EYA1: variants seen among roughly 807,000 people sequenced by gnomAD.
The protein encoded by EYA1 is EYA transcriptional coactivator and phosphatase 1, also known as protein phosphatase EYA1.
A neutral mutation model predicts 82.0 loss-of-function variants in EYA1; 16 were observed. That is an observed-to-expected ratio of 0.20 (90% CI 0.13 to 0.30). EYA1 has a LOEUF of 0.30. Among genes scored for constraint, EYA1 ranks in the 10% least tolerant of loss-of-function variants. EYA1 has a pLI of 1.00. For missense variants in EYA1, 633 were observed against 730.7 expected, an observed-to-expected ratio of 0.87 and a Z score of 1.54; for synonymous variants, 261 against 264.4, an observed-to-expected ratio of 0.99 and a Z score of 0.12.
At chr8:71,259,535 A>G (rs945903893) in intron 11 of EYA1, among the ~76,000 whole-genome samples, 1 of 152,246 alleles carries the variant, frequency 6.6e-6, no homozygotes, top group Non-Finnish European at 1.5e-5. Flanking sequence ...TAAAATGATC[A>G]GAAAGAGGCA....
chr8:71,518,467 TTCTG>T (rs1396430379), intron 2 of EYA1, among the ~76,000 whole-genome samples: 1 of 152,152 alleles, frequency 6.6e-6, no homozygotes, highest in African/African-American at 2.4e-5. Flanking sequence ...CAATGCTATT[TTCTG>T]TCTGTCATGT....
At chr8:71,263,733 A>G (rs1056442764) in intron 11 of EYA1, among the ~76,000 whole-genome samples, 1 of 152,152 alleles carries the variant, frequency 6.6e-6, no homozygotes. Flanking sequence ...AGGCCATATC[A>G]TCTCTGACAC....
intron 11 of EYA1, 107 bp from the exon 12 acceptor site, chr8:71,244,799 C>T (rs2128904831): frequency 1.4e-6 from 1 of 695,230 alleles, no homozygotes; most frequent in East Asian, 2.8e-5. Flanking sequence ...AAGCAAGAGA[C>T]ACAGAGAGAG....
rs1826873491 is a variant in EYA1 at position 71,356,317 on chromosome 8, A to G, written c.-5+145T>C. 6 of 631,292 alleles carry G rather than the reference A, an allele frequency of 9.5e-6. No individual in the cohort carries two copies. The South Asian group carries it at 1.5e-4, about 16-fold the overall frequency. 39.1% of individuals were successfully genotyped at this position (631,292 alleles called of 1,614,324 possible). ...CCTTTCTACATACTTAAAATGTTTT[A>G]CAAGCACACACACACAAACTGTTAA... On this transcript the variant is annotated intron_variant, in intron 2 of 17. Transcript: ENST00000340726.
At chr8:71,540,487 T>C (rs1383604819) in intron 1 of EYA1, among the ~76,000 whole-genome samples, 2 of 152,036 alleles carry the variant, frequency 1.3e-5, no homozygotes, top group Non-Finnish European at 2.9e-5. Flanking sequence ...TAGATTATGG[T>C]GACATGAAGC....
intron 2 of EYA1, among the ~76,000 whole-genome samples, chr8:71,409,976 TA>T (rs1830491833): frequency 6.7e-6 from 1 of 149,280 alleles, no homozygotes; most frequent in East Asian, 2.0e-4. Flanking sequence ...AAATCCTCAA[TA>T]AAATACTGGC....
intron 2 of EYA1, among the ~76,000 whole-genome samples, chr8:71,396,990 T>A (rs570465286): frequency 6.6e-6 from 1 of 152,264 alleles, no homozygotes; most frequent in Non-Finnish European, 1.5e-5. Context: ...GATGCATATA[T>A]ATTTAGCATA....
intron 2 of EYA1, among the ~76,000 whole-genome samples, chr8:71,381,445 C>A (rs565475002): frequency 3.3e-5 from 5 of 152,054 alleles, no homozygotes; most frequent in Non-Finnish European, 7.4e-5. Flanking sequence ...GATGAAACGC[C>A]GGTGGAAGAA....
At chr8:71,418,673 C>A (rs913168669) in intron 2 of EYA1, among the ~76,000 whole-genome samples, 1 of 152,124 alleles carries the variant, frequency 6.6e-6, no homozygotes, top group Non-Finnish European at 1.5e-5. Context: ...AACAAATATT[C>A]ATTGAACACC....
chr8:71,211,034 T>TAA, intron 17 of EYA1, 122 bp downstream of exon 17: 1 of 750,866 alleles, frequency 1.3e-6, no homozygotes, highest in Non-Finnish European at 2.5e-6. Flanking sequence ...GTTCAGTGCT[T>TAA]AGAGTACTGC....
chr8:71,438,708 C>T (rs1806183684), intron 2 of EYA1, among the ~76,000 whole-genome samples: 1 of 152,020 alleles, frequency 6.6e-6, no homozygotes, highest in Non-Finnish European at 1.5e-5. Flanking sequence ...CCCGGAGAAG[C>T]CAGAGTAACT....
intron 2 of EYA1, among the ~76,000 whole-genome samples, chr8:71,421,585 G>A (rs761734102): frequency 6.6e-6 from 1 of 152,144 alleles, no homozygotes; most frequent in African/African-American, 2.4e-5. Context: ...GTCTGGTGGG[G>A]TAGGGCAACT....
At chr8:71,459,012 T>C (rs145773642) in intron 2 of EYA1, among the ~76,000 whole-genome samples, 69 of 151,884 alleles carry the variant, frequency 4.5e-4, no homozygotes, top group Admixed American at 1.6e-3. Flanking sequence ...CTAAACTAGA[T>C]AGGGAGGGAA....
intron 2 of EYA1, among the ~76,000 whole-genome samples, chr8:71,392,341 G>A (rs1411207787): frequency 6.6e-6 from 1 of 152,120 alleles, no homozygotes; most frequent in Non-Finnish European, 1.5e-5. Flanking sequence ...CTTGCTTCCT[G>A]GACTTCTGCA....
chr8:71,268,993 G>A (rs1226674283), intron 11 of EYA1, among the ~76,000 whole-genome samples: 3 of 152,046 alleles, frequency 2.0e-5, no homozygotes, highest in Admixed American at 2.0e-4. Context: ...GAAAACAAGA[G>A]AAATGAAATA....
chr8:71,519,788 G>A (rs1158313675), intron 2 of EYA1, among the ~76,000 whole-genome samples: 1 of 152,062 alleles, frequency 6.6e-6, no homozygotes, highest in African/African-American at 2.4e-5. Flanking sequence ...GGCCATTTTG[G>A]TGTCCCTCTA....
At chr8:71,270,081 A>G in intron 10 of EYA1, 1 of 381,794 alleles carries the variant, frequency 2.6e-6, no homozygotes, top group South Asian at 2.9e-5. Context: ...TGTCCTTTCT[A>G]ATTCTGTAAT....
chr8:71,307,463 C>A (rs1334851269), intron 7 of EYA1, among the ~76,000 whole-genome samples: 1 of 152,102 alleles, frequency 6.6e-6, no homozygotes, highest in African/African-American at 2.4e-5. Flanking sequence ...TCCGTCCCAC[C>A]ACACTCGGCT....
At chr8:71,535,894 G>A (rs1014653273) in intron 1 of EYA1, 5 of 523,962 alleles carry the variant, frequency 9.5e-6, no homozygotes, top group Non-Finnish European at 1.6e-5. Flanking sequence ...TGTGTGGCAT[G>A]AAATTCAGAG....
Sources: gnomAD v4.1 joint callset for allele counts (sites outside exome capture counted in the v4.1 genomes callset) on GRCh38, gnomAD v4.1.1 for gene constraint, MANE v1.5 for transcripts, NCBI Gene and HGNC (gene_info 2026-07-23, HGNC 2026-07-21) for gene names.